The following RBFOX1 variants were observed in gnomAD, a reference collection of about 807,000 sequenced individuals.
The protein encoded by RBFOX1 is RNA binding fox-1 homolog 1, also known as RNA binding protein fox-1 homolog 1.
Under a neutral mutation model 57.7 loss-of-function variants are expected in RBFOX1, and 8 were observed. The observed-to-expected ratio is 0.14, with a 90% confidence interval of 0.08 to 0.25. The LOEUF is 0.25. Ranked by LOEUF, RBFOX1 falls within the 10% of genes least tolerant of loss-of-function variation. RBFOX1 has a pLI of 1.00. For synonymous variants in RBFOX1, 326 were observed against 222.4 expected (o/e 1.47, Z -4.15); for missense variants, 611 against 548.5 (o/e 1.11, Z -1.14).
chr16:6,816,489 C>G (rs977257757), intron 3 of RBFOX1, among the ~76,000 whole-genome samples: 4 of 148,800 alleles, frequency 2.7e-5, no homozygotes, highest in African/African-American at 5.0e-5. Flanking sequence ...TGCCTGTAAT[C>G]TCAGTACTTT....
At chr16:5,275,265 T>G (rs2063113285) in intron 1 of RBFOX1, among the ~76,000 whole-genome samples, 1 of 152,220 alleles carries the variant, frequency 6.6e-6, no homozygotes, top group African/African-American at 2.4e-5. Flanking sequence ...TTTGGGATAT[T>G]GATCACCTCA....
intron 4 of RBFOX1, among the ~76,000 whole-genome samples, chr16:5,950,829 A>G (rs1179069994): frequency 1.3e-5 from 2 of 152,036 alleles, no homozygotes; most frequent in Non-Finnish European, 2.9e-5. Flanking sequence ...AGTGTGGTGA[A>G]TATCTGTTCT....
intron 1 of RBFOX1, among the ~76,000 whole-genome samples, chr16:5,254,922 C>A (rs948710438): frequency 3.3e-5 from 5 of 152,150 alleles, no homozygotes; most frequent in Non-Finnish European, 7.4e-5. Flanking sequence ...TTGATAAGAT[C>A]TCTGTCCCCA....
At chr16:7,291,656 A>G (rs560788787) in intron 4 of RBFOX1, among the ~76,000 whole-genome samples, 3 of 152,092 alleles carry the variant, frequency 2.0e-5, no homozygotes, top group Non-Finnish European at 4.4e-5. Context: ...GGGGAATGTT[A>G]AAATAGCAGC....
At chr16:6,052,856 G>T (rs1046701542) in intron 1 of RBFOX1, among the ~76,000 whole-genome samples, 1 of 142,748 alleles carries the variant, frequency 7.0e-6, no homozygotes, top group Non-Finnish European at 1.5e-5. Flanking sequence ...TATGGCCTGG[G>T]GTTGTGCAGG....
intron 1 of RBFOX1, among the ~76,000 whole-genome samples, chr16:5,274,288 G>A (rs897711239): frequency 2.6e-5 from 4 of 152,174 alleles, no homozygotes; most frequent in African/African-American, 9.7e-5. Context: ...CAGCCCTTTG[G>A]GAGGCCGAGG....
intron 1 of RBFOX1, among the ~76,000 whole-genome samples, chr16:5,463,293 G>A (rs2068847592): frequency 6.6e-6 from 1 of 152,030 alleles, no homozygotes; most frequent in Admixed American, 6.5e-5. Flanking sequence ...TACTGAAAAT[G>A]GATTTTTGCA....
intron 1 of RBFOX1, among the ~76,000 whole-genome samples, chr16:5,315,609 G>T (rs181456493): frequency 1.6e-4 from 24 of 152,324 alleles, no homozygotes; most frequent in Middle Eastern, 6.8e-3. Flanking sequence ...TGATGTTTGT[G>T]TAGCAGGGAC....
At chr16:7,043,420 T>C (rs2046840901) in intron 3 of RBFOX1, among the ~76,000 whole-genome samples, 1 of 152,186 alleles carries the variant, frequency 6.6e-6, no homozygotes, top group Non-Finnish European at 1.5e-5. Flanking sequence ...TGAGTACATA[T>C]GTCAAATGTG....
At chr16:5,701,955 C>G (rs1181450665) in intron 3 of RBFOX1, among the ~76,000 whole-genome samples, 3 of 152,172 alleles carry the variant, frequency 2.0e-5, no homozygotes, top group African/African-American at 4.8e-5. Context: ...AGACCTCTGT[C>G]TTGTTTCCTT....
chr16:7,421,779 C>T (rs1396792374), intron 4 of RBFOX1, among the ~76,000 whole-genome samples: 1 of 152,190 alleles, frequency 6.6e-6, no homozygotes, highest in African/African-American at 2.4e-5. Flanking sequence ...ATCGTGCTGT[C>T]GTCAGCAGTT....
chr16:6,373,309 C>A (rs1185696207), intron 2 of RBFOX1, among the ~76,000 whole-genome samples: 2 of 149,238 alleles, frequency 1.3e-5, no homozygotes, highest in African/African-American at 5.0e-5. Context: ...TGGTAAGGAT[C>A]TTTGTGTAGG....
intron 3 of RBFOX1, among the ~76,000 whole-genome samples, chr16:5,613,051 G>A (rs773418670): frequency 3.3e-5 from 5 of 152,182 alleles, no homozygotes; most frequent in Admixed American, 2.6e-4. Context: ...TGGGACTAAG[G>A]CTAGGGGAGG....
intron 3 of RBFOX1, among the ~76,000 whole-genome samples, chr16:6,742,389 C>A (rs546237379): frequency 1.3e-5 from 2 of 152,074 alleles, no homozygotes; most frequent in Non-Finnish European, 2.9e-5. Context: ...GATGGCAATG[C>A]AAAATGACAC....
intron 4 of RBFOX1, among the ~76,000 whole-genome samples, chr16:7,096,708 T>C (rs989351839): frequency 1.3e-5 from 2 of 151,894 alleles, no homozygotes; most frequent in Non-Finnish European, 2.9e-5. Flanking sequence ...GACGCAGGTA[T>C]ATCACCTGAG....
intron 2 of RBFOX1, among the ~76,000 whole-genome samples, chr16:6,610,352 G>T (rs143773834): frequency 6.6e-6 from 1 of 152,264 alleles, no homozygotes; most frequent in Non-Finnish European, 1.5e-5. Flanking sequence ...GAGGAAGACA[G>T]AGTATCCCAC....
chr16:7,465,908 C>G (rs1272397998), intron 4 of RBFOX1, among the ~76,000 whole-genome samples: 6 of 152,220 alleles, frequency 3.9e-5, no homozygotes, highest in Non-Finnish European at 8.8e-5. Context: ...CAAAGCATCT[C>G]ATGGTGCTTC....
intron 2 of RBFOX1, among the ~76,000 whole-genome samples, chr16:6,433,653 C>G (rs1031177360): frequency 6.6e-6 from 1 of 152,066 alleles, no homozygotes; most frequent in Non-Finnish European, 1.5e-5. Context: ...GGGATAAAAT[C>G]CAGGTGTTAG....
At chr16:5,626,238 G>C (rs933181682) in intron 3 of RBFOX1, among the ~76,000 whole-genome samples, 1 of 152,290 alleles carries the variant, frequency 6.6e-6, no homozygotes, top group East Asian at 1.9e-4. Context: ...TCAGAGTTCT[G>C]GAGGCAAGCA....
Sources: gnomAD v4.1 joint callset for allele counts (sites outside exome capture counted in the v4.1 genomes callset) on GRCh38, gnomAD v4.1.1 for gene constraint, MANE v1.5 for transcripts, NCBI Gene and HGNC (gene_info 2026-07-23, HGNC 2026-07-21) for gene names.